Variants in COL4A4 observed in about 807,000 individuals in gnomAD.
COL4A4 encodes collagen type IV alpha 4 chain, also known as collagen alpha-4(IV) chain.
Under a neutral mutation model 192.9 loss-of-function variants are expected in COL4A4, and 105 were observed. The observed-to-expected ratio is 0.54, with a 90% CI of 0.46 to 0.64. The LOEUF (loss-of-function observed/expected upper bound fraction) is 0.64, where lower values mean the gene tolerates loss of function less well. COL4A4 is among the 30% of genes least tolerant of loss of function. COL4A4 has a pLI of 0.00. For missense variants in COL4A4, 1,967 were observed against 2,169.3 expected (o/e 0.91, Z 1.85); for synonymous variants, 762 against 769.9 (o/e 0.99, Z 0.17).
Position 227,147,394 on chromosome 2 carries a change from T to C in COL4A4, c.71+19A>G, listed in dbSNP as rs1229511236. On this transcript the variant is annotated intron_variant, in intron 2 of 47. Coordinates refer to ENST00000396625, the MANE Select transcript of COL4A4 (RefSeq NM_000092.5). ...GAAATTACTAAATAAAAGCAGGCAA[T>C]CACACTGAGGATACTCACCAGGGAC... is the stretch of plus-strand genomic sequence containing the variant. 1.2e-6 allele frequency: 2 copies of C among 1,609,086 alleles called. No homozygotes were observed. The highest frequency in any genetic ancestry group is 1.7e-6 in the Non-Finnish European group (2 of 1,175,644).
chr2:227,010,845 C>A (rs946940502), intron 45 of COL4A4, among the ~76,000 whole-genome samples: 1 of 152,140 alleles, frequency 6.6e-6, no homozygotes, highest in African/African-American at 2.4e-5. Flanking sequence ...TTATGAAATA[C>A]GCTGGGAAGA....
At chr2:227,051,556 A>G (rs989811858) in intron 32 of COL4A4, among the ~76,000 whole-genome samples, 3 of 152,218 alleles carry the variant, frequency 2.0e-5, no homozygotes, top group Admixed American at 6.5e-5. Context: ...TCGCTCTGCA[A>G]TGTTTCTGTG....
At chr2:227,089,157 G>A (rs1236417395) in intron 21 of COL4A4, among the ~76,000 whole-genome samples, 1 of 146,282 alleles carries the variant, frequency 6.8e-6, no homozygotes, top group Non-Finnish European at 1.5e-5. Flanking sequence ...AAGTTTAAAA[G>A]CCCATCCTTT....
At chr2:226,976,782 G>T in the COL4A4 span, among the ~76,000 whole-genome samples, 1 of 152,192 alleles carries the variant, frequency 6.6e-6, no homozygotes, top group Admixed American at 6.5e-5. Flanking sequence ...TAGGTGTCTG[G>T]AGTGAGGCCT....
At chr2:227,150,796 C>T (rs1427117219) in intron 1 of COL4A4, among the ~76,000 whole-genome samples, 1 of 152,124 alleles carries the variant, frequency 6.6e-6, no homozygotes, top group Non-Finnish European at 1.5e-5. Context: ...GGGAAACCAC[C>T]TCCATGATTC....
At chr2:227,017,041 C>T (rs1181920429) in intron 44 of COL4A4, among the ~76,000 whole-genome samples, 2 of 152,164 alleles carry the variant, frequency 1.3e-5, no homozygotes, top group African/African-American at 4.8e-5. Flanking sequence ...CAACAGTGAG[C>T]TCAGAGCATT....
At chr2:227,070,383 G>T (rs2058639835) in intron 25 of COL4A4, among the ~76,000 whole-genome samples, 1 of 152,144 alleles carries the variant, frequency 6.6e-6, no homozygotes, top group Non-Finnish European at 1.5e-5. Context: ...ATACCCAAAG[G>T]ATTATAAATC....
the COL4A4 span, among the ~76,000 whole-genome samples, chr2:226,979,168 A>G: frequency 2.6e-5 from 4 of 152,144 alleles, no homozygotes; most frequent in Non-Finnish European, 5.9e-5. Context: ...AAGGCCCAAG[A>G]GCCCCCAAGA....
Position 227,043,073 on chromosome 2 carries a change from G to A in COL4A4, c.3397+4C>T. 1 of 1,608,310 alleles carries A rather than the reference G, an allele frequency of 6.2e-7. No individual in the cohort carries two copies. The highest frequency in any genetic ancestry group is 8.5e-7 in the Non-Finnish European group (1 of 1,175,730). ...GGAAGTCTCCAGATTTCCTTTCAAGGTACCTGGGCACCCTGGTGGTCCAGA... is the reference window on the plus strand; with the variant it reads ...GGAAGTCTCCAGATTTCCTTTCAAGATACCTGGGCACCCTGGTGGTCCAGA... On this transcript the variant is annotated splice_donor_region_variant and intron_variant, in intron 36 of 47. Transcript: ENST00000396625.
chr2:227,043,305 T>C (rs2150105114), intron 35 of COL4A4, 121 bp from the exon 36 acceptor site: 1 of 837,226 alleles, frequency 1.2e-6, no homozygotes, highest in Non-Finnish European at 2.0e-6. Flanking sequence ...ATAGTTTCTA[T>C]TGGAAAGGAA....
At chr2:227,093,188 C>T (rs985368531) in intron 20 of COL4A4, among the ~76,000 whole-genome samples, 3 of 152,012 alleles carry the variant, frequency 2.0e-5, no homozygotes, top group East Asian at 1.9e-4. Flanking sequence ...CATTTCTGAG[C>T]GTGGGCCAAG....
chr2:227,049,589 T>C (rs1973618098), intron 34 of COL4A4, among the ~76,000 whole-genome samples: 1 of 152,278 alleles, frequency 6.6e-6, no homozygotes, highest in African/African-American at 2.4e-5. Context: ...TACATCTATC[T>C]TGGGACTTCT....
At position 227,118,709 on chromosome 2, in the gene COL4A4, T is replaced by C. The variant is rs1474749958; in HGVS notation, c.425A>G (p.Asn142Ser). 9 of 1,613,950 alleles carry C rather than the reference T, an allele frequency of 5.6e-6. No homozygotes were observed. The African/African-American group carries it at 6.7e-5, about 12-fold the overall frequency. ...AAACCCTGGGTCACCTCTTGAGCCA[T>C]TGTGGCCACTCATACCAGGTTTGCC... The part of the protein sequence containing the change: ...PRGKPGMSGH[N>S]GSRGDPGFPG... The change falls in exon 7 of 48, where the codon AAT becomes AGT. Residue 142 changes from asparagine (N) to serine (S), a missense_variant. Transcript: ENST00000396625.
intron 4 of COL4A4, among the ~76,000 whole-genome samples, chr2:227,126,198 G>A (rs6753676): frequency 0.34 from 51,803 of 152,066 alleles, 9,593 homozygotes; most frequent in Non-Finnish European, 0.41. Flanking sequence ...GTAGTATTTG[G>A]GAGGATGTGC....
intron 25 of COL4A4, among the ~76,000 whole-genome samples, chr2:227,066,925 T>C (rs1239885558): frequency 6.7e-6 from 1 of 149,798 alleles, no homozygotes; most frequent in Admixed American, 6.6e-5. Context: ...GACTGGCAAA[T>C]TGGATAAAGA....
intron 4 of COL4A4, among the ~76,000 whole-genome samples, chr2:227,126,627 T>C (rs1199924787): frequency 6.6e-6 from 1 of 152,236 alleles, no homozygotes; most frequent in African/African-American, 2.4e-5. Context: ...TGCGGTTTTT[T>C]TGTATTTTAA....
intron 45 of COL4A4, among the ~76,000 whole-genome samples, chr2:227,011,643 T>C (rs1963730471): frequency 6.6e-6 from 1 of 152,238 alleles, no homozygotes; most frequent in Non-Finnish European, 1.5e-5. Flanking sequence ...ACACTTCTAT[T>C]CTGAAGAGTC....
intron 41 of COL4A4, 63 bp downstream of exon 41, chr2:227,030,380 C>G: frequency 6.4e-7 from 1 of 1,555,938 alleles, no homozygotes; most frequent in Non-Finnish European, 8.9e-7. Flanking sequence ...CACAGTACCC[C>G]AGACCCTCAA....
chr2:227,148,080 GA>G (rs2063667905), intron 1 of COL4A4, among the ~76,000 whole-genome samples: 1 of 152,052 alleles, frequency 6.6e-6, no homozygotes, highest in Non-Finnish European at 1.5e-5. Context: ...CAACCTCTGT[GA>G]AAAATATTTT....
Sources: gnomAD v4.1 joint callset for allele counts (sites outside exome capture counted in the v4.1 genomes callset) on GRCh38, gnomAD v4.1.1 for gene constraint, MANE v1.5 for transcripts, NCBI Gene and HGNC (gene_info 2026-07-23, HGNC 2026-07-21) for gene names.